Variants in STXBP6 observed in about 807,000 individuals in gnomAD.
The protein encoded by STXBP6 is syntaxin-binding protein 6.
STXBP6 carries 21 observed loss-of-function variants against 26.9 expected under a neutral mutation model. The ratio of observed to expected loss-of-function variants is 0.78; its 90% CI spans 0.55 to 1.12. The LOEUF is 1.12. Ranked by LOEUF, STXBP6 falls within the 50% of genes most tolerant of loss-of-function variation. The pLI is 0.00. For missense variants in STXBP6, 232 were observed against 257.9 expected, an observed-to-expected ratio of 0.90 and a Z score of 0.69; for synonymous variants, 97 against 92.6, an observed-to-expected ratio of 1.05 and a Z score of -0.27.
intron 2 of STXBP6, among the ~76,000 whole-genome samples, chr14:24,951,770 G>A (rs2073177515): frequency 6.6e-6 from 1 of 151,958 alleles, no homozygotes; most frequent in Non-Finnish European, 1.5e-5. Flanking sequence ...TAGCCAAACT[G>A]TTCAAACAGA....
At chr14:24,945,641 T>C (rs945216662) in intron 2 of STXBP6, among the ~76,000 whole-genome samples, 1 of 152,110 alleles carries the variant, frequency 6.6e-6, no homozygotes, top group Non-Finnish European at 1.5e-5. Flanking sequence ...CCACTGCCAA[T>C]ATGCTCATAA....
chr14:24,971,052 A>G (rs2073892155), intron 2 of STXBP6, among the ~76,000 whole-genome samples: 1 of 152,208 alleles, frequency 6.6e-6, no homozygotes, highest in South Asian at 2.1e-4. Flanking sequence ...AATGAACTGG[A>G]GAGATTATTT....
intron 2 of STXBP6, among the ~76,000 whole-genome samples, chr14:24,948,693 A>AGACC (rs1220732055): frequency 5.9e-5 from 9 of 152,210 alleles, no homozygotes; most frequent in African/African-American, 2.2e-4. Context: ...GATTAACCAG[A>AGACC]GACCGCTAGG....
Position 24,809,913 on chromosome 14 carries a change from A to T in STXBP6, c.*2796T>A, listed in dbSNP as rs2067773501. The stretch of plus-strand genomic sequence containing the variant: ...GATGCACAACCTTTGCTAGCCACAA[A>T]AGTAGTATTAAAACAGTTTTCACTG... On this transcript the variant is annotated 3_prime_UTR_variant, in exon 6 of 6. Transcript: ENST00000323944. 1.3e-5 allele frequency: 2 copies of T among 152,226 alleles called. No individual in the cohort carries two copies. The highest frequency in any genetic ancestry group is 4.1e-4 in the South Asian group (2 of 4,830). The allele number at this position is 152,226 out of a possible 1,614,324, so 9.4% of individuals were successfully genotyped here. A position where few individuals can be genotyped will look rare whatever the true frequency, so the allele number is the denominator to read the frequency against.
At chr14:24,877,943 A>G (rs528797995) in intron 2 of STXBP6, among the ~76,000 whole-genome samples, 3 of 152,250 alleles carry the variant, frequency 2.0e-5, no homozygotes, top group Admixed American at 1.3e-4. Flanking sequence ...CTTTTTGCCA[A>G]TTTGAGAGAT....
chr14:24,852,146 C>T (rs2069178319), intron 4 of STXBP6, among the ~76,000 whole-genome samples: 1 of 152,094 alleles, frequency 6.6e-6, no homozygotes, highest in South Asian at 2.1e-4. Flanking sequence ...ATTGTCCTGA[C>T]CTATCTCCTG....
chr14:25,006,582 A>G (rs1369640546), intron 1 of STXBP6, among the ~76,000 whole-genome samples: 1 of 152,228 alleles, frequency 6.6e-6, no homozygotes, highest in Non-Finnish European at 1.5e-5. Context: ...CTCTGCTTCA[A>G]GCAAGGGAGA....
At chr14:25,036,389 C>T (rs1242659613) in intron 1 of STXBP6, among the ~76,000 whole-genome samples, 2 of 152,026 alleles carry the variant, frequency 1.3e-5, no homozygotes, top group Admixed American at 6.5e-5. Flanking sequence ...GTCTTTCTTC[C>T]GGACCCTTGG....
At chr14:24,883,797 C>A (rs2139454970) in intron 2 of STXBP6, among the ~76,000 whole-genome samples, 1 of 152,246 alleles carries the variant, frequency 6.6e-6, no homozygotes, top group Middle Eastern at 3.4e-3. Flanking sequence ...TTTAATCCCC[C>A]TGGGATTCTT....
chr14:24,859,563 A>G (rs1351524990), intron 2 of STXBP6, among the ~76,000 whole-genome samples: 1 of 152,140 alleles, frequency 6.6e-6, no homozygotes, highest in Admixed American at 6.6e-5. Context: ...GGGAGTCAGT[A>G]GCTGATAAAA....
intron 1 of STXBP6, among the ~76,000 whole-genome samples, chr14:25,029,986 C>G (rs1479178380): frequency 6.6e-6 from 1 of 152,196 alleles, no homozygotes; most frequent in Non-Finnish European, 1.5e-5. Context: ...AGGCAGGGAG[C>G]TGAACACTTT....
chr14:24,924,043 TTTC>T (rs2072075923), intron 2 of STXBP6, among the ~76,000 whole-genome samples: 1 of 152,158 alleles, frequency 6.6e-6, no homozygotes, highest in Non-Finnish European at 1.5e-5. Context: ...CTTTAAAGTT[TTTC>T]TTTTTTACAT....
chr14:24,920,496 C>A (rs1050282824), intron 2 of STXBP6, among the ~76,000 whole-genome samples: 4 of 152,032 alleles, frequency 2.6e-5, no homozygotes, highest in African/African-American at 9.7e-5. Context: ...GATAGTTTAG[C>A]CCTCCTTTAG....
At chr14:24,965,646 T>C (rs1370135992) in intron 2 of STXBP6, among the ~76,000 whole-genome samples, 2 of 152,168 alleles carry the variant, frequency 1.3e-5, no homozygotes, top group Non-Finnish European at 2.9e-5. Context: ...TGCAGGGATA[T>C]AGATATTAAT....
At chr14:24,846,800 C>A (rs2068979418) in intron 4 of STXBP6, among the ~76,000 whole-genome samples, 1 of 152,114 alleles carries the variant, frequency 6.6e-6, no homozygotes, top group Non-Finnish European at 1.5e-5. Flanking sequence ...AAATCAATGT[C>A]CAATTTTCAA....
chr14:24,938,026 T>A (rs1261371960), intron 2 of STXBP6, among the ~76,000 whole-genome samples: 1 of 152,220 alleles, frequency 6.6e-6, no homozygotes, highest in Non-Finnish European at 1.5e-5. Context: ...TGCCTGGCTT[T>A]ATATGGGGAA....
At chr14:24,846,481 C>T (rs972626053) in intron 4 of STXBP6, among the ~76,000 whole-genome samples, 1 of 152,154 alleles carries the variant, frequency 6.6e-6, no homozygotes, top group Non-Finnish European at 1.5e-5. Flanking sequence ...TATTTGTCTA[C>T]ATACCATAAA....
At chr14:24,825,072 G>C (rs2068242965) in intron 4 of STXBP6, among the ~76,000 whole-genome samples, 1 of 152,178 alleles carries the variant, frequency 6.6e-6, no homozygotes, top group African/African-American at 2.4e-5. Flanking sequence ...GCAGAACTTT[G>C]GAAAATCTTT....
chr14:24,896,953 A>C (rs1256191347), intron 2 of STXBP6, among the ~76,000 whole-genome samples: 1 of 152,170 alleles, frequency 6.6e-6, no homozygotes, highest in African/African-American at 2.4e-5. Flanking sequence ...AGGCTGTACC[A>C]CTGGGTGAGA....
Sources: allele counts gnomAD v4.1 joint callset (sites outside exome capture counted in the v4.1 genomes callset), GRCh38; gene constraint gnomAD v4.1.1; transcripts MANE v1.5; gene names NCBI Gene and HGNC (gene_info 2026-07-23, HGNC 2026-07-21).